The following NPIPB12 variants were observed in gnomAD, a reference collection of about 807,000 sequenced individuals.
The protein encoded by NPIPB12 is nuclear pore complex interacting protein family member B12, also known as nuclear pore complex-interacting protein family member B12.
chr16:29,504,520 G>A (rs1331220814), intron 2 of NPIPB12, among the ~76,000 whole-genome samples: 9 of 76,216 alleles, frequency 1.2e-4, no homozygotes, highest in East Asian at 8.0e-4. Flanking sequence ...ATATATGTGT[G>A]TGTGTGTGTG....
chr16:29,490,176 C>G (rs1478119840), intron 4 of NPIPB12, among the ~76,000 whole-genome samples: 1 of 16,752 alleles, frequency 6.0e-5, no homozygotes, highest in African/African-American at 2.8e-4. Context: ...TAACATGCTA[C>G]TAGGCCTCAA....
chr16:29,492,492 CAA>C (rs1191028089), intron 2 of NPIPB12, among the ~76,000 whole-genome samples: 4,617 of 37,046 alleles, frequency 0.12, 56 homozygotes, highest in African/African-American at 0.22. Context: ...ACTCTTGTCT[CAA>C]AAAAAAAAAA....
intron 2 of NPIPB12, among the ~76,000 whole-genome samples, chr16:29,504,733 AATGTG>A (rs1965220184): frequency 3.1e-5 from 1 of 32,532 alleles, no homozygotes; most frequent in Non-Finnish European, 6.2e-5. Context: ...TTGTAAAATA[AATGTG>A]ATGTGGTTAA....
chr16:29,498,044 T>TATCATTAAAAAAGG (rs1596717565), intron 1 of NPIPB12, among the ~76,000 whole-genome samples: 1 of 132,142 alleles, frequency 7.6e-6, no homozygotes, highest in African/African-American at 2.7e-5. Flanking sequence ...TTCACGCCTG[T>TATCATTAAAAAAGG]AATCCCAACG....
At chr16:29,498,433 C>T (rs1965169643) in intron 1 of NPIPB12, among the ~76,000 whole-genome samples, 1 of 83,100 alleles carries the variant, frequency 1.2e-5, no homozygotes, top group African/African-American at 4.6e-5. Flanking sequence ...TTTGGCCAGG[C>T]GCGGTGGCTC....
chr16:29,504,616 G>A (rs1965217955), intron 2 of NPIPB12, among the ~76,000 whole-genome samples: 1 of 114,940 alleles, frequency 8.7e-6, no homozygotes, highest in Admixed American at 8.9e-5. Context: ...TAAAAGACAA[G>A]ATAATGTTCA....
chr16:29,498,335 T>TAAATAAATAAATAAATAAAA (rs1567292699), intron 1 of NPIPB12, among the ~76,000 whole-genome samples: 1 of 147,786 alleles, frequency 6.8e-6, no homozygotes, highest in Admixed American at 6.8e-5. Context: ...AATAAATAAA[T>TAAATAAATAAATAAATAAAA]AAAATAATGT....
chr16:29,492,492 C>CA lies in NPIPB12; in HGVS notation c.205-619dup, dbSNP rs1191028089. ...GGCAACAAAATTGAAACTCTTGTCT[C>CA]AAAAAAAAAAAAAAAAAAAAAGGCC... is the stretch of plus-strand genomic sequence containing the variant. On this transcript the variant is annotated intron_variant, in intron 2 of 5. Coordinates refer to ENST00000617311, the Ensembl canonical transcript of NPIPB12. Among the ~76,000 whole-genome samples the CA allele has an allele frequency of 4.0e-4, 16 of 40,294 alleles. 1 individual carries two copies. Among genetic ancestry groups the CA allele is most frequent in the Admixed American group, 7.8e-4 (3 of 3,864 alleles). The allele number at this position is 40,294 out of a possible 152,430, so 26.4% of individuals were successfully genotyped here.
chr16:29,504,640 T>C (rs1965218431), intron 2 of NPIPB12, among the ~76,000 whole-genome samples: 1 of 47,430 alleles, frequency 2.1e-5, no homozygotes, highest in African/African-American at 8.0e-5. Flanking sequence ...TAATGACTAA[T>C]TTAATTATTA....
At chr16:29,504,646 TA>T (rs1965218576) in intron 2 of NPIPB12, among the ~76,000 whole-genome samples, 1 of 35,366 alleles carries the variant, frequency 2.8e-5, no homozygotes, top group African/African-American at 1.1e-4. Flanking sequence ...CTAATTTAAT[TA>T]TTACTATTGG....
At chr16:29,492,512 A>G (rs4017000) in intron 2 of NPIPB12, among the ~76,000 whole-genome samples, 2 of 42,740 alleles carry the variant, frequency 4.7e-5, no homozygotes, top group African/African-American at 9.7e-5. Context: ...AAAAAAAAAA[A>G]AGGCCAGATG....
At position 29,498,337 on chromosome 16, in the gene NPIPB12, A is replaced by AAT. The variant is rs1182258947; in HGVS notation, c.75+986_75+987insAT. 9.1e-4 allele frequency among the ~76,000 whole-genome samples: 134 copies of AAT among 147,846 alleles called. No homozygotes were observed. In the Middle Eastern group the frequency reaches 0.014, roughly 16 times the overall value. ...AAATAAATAAATAAATAAATAAATA[A>AAT]AATAATGTAGATCTTGAAAGGGGGT... On this transcript the variant is annotated intron_variant, in intron 1 of 5. Coordinates refer to ENST00000617311, the Ensembl canonical transcript of NPIPB12.
At chr16:29,504,529 T>C (rs1434436068) in intron 2 of NPIPB12, among the ~76,000 whole-genome samples, 1 of 139,938 alleles carries the variant, frequency 7.1e-6, no homozygotes, top group African/African-American at 2.7e-5. Flanking sequence ...TGTGTGTGTG[T>C]GTGTGTGTGT....
chr16:29,501,261 C>CCT (rs1965190371), upstream of NPIPB12, among the ~76,000 whole-genome samples: 1 of 59,716 alleles, frequency 1.7e-5, no homozygotes, highest in Non-Finnish European at 2.8e-5. Flanking sequence ...GGGCGGATCA[C>CCT]AAGGTCAGGA....
intron 2 of NPIPB12, among the ~76,000 whole-genome samples, chr16:29,495,228 G>C (rs1212511591): frequency 7.0e-6 from 1 of 143,102 alleles, no homozygotes; most frequent in East Asian, 2.1e-4. Context: ...GTGATAAATA[G>C]CACAAAGGTT....
chr16:29,494,910 T>TA, intron 2 of NPIPB12, among the ~76,000 whole-genome samples: 1 of 54,998 alleles, frequency 1.8e-5, no homozygotes, highest in East Asian at 6.4e-4. Context: ...TCATTTCCCC[T>TA]AAAAATCATT....
chr16:29,495,147 C>T lies in NPIPB12; in HGVS notation c.204+332G>A, dbSNP rs545555409. On this transcript the variant is annotated intron_variant, in intron 2 of 5. Transcript: ENST00000617311. ...ATTGGAAGCTTTCCTTCCACCCATA[C>T]GATAGAACTACAAAGCAGAAGAGTT... is the stretch of plus-strand genomic sequence containing the variant. Among the ~76,000 whole-genome samples the T allele has an allele frequency of 4.1e-4, 59 of 143,916 alleles. 1 individual carries two copies. The highest frequency in any genetic ancestry group is 6.4e-4 in the African/African-American group (26 of 40,650). 94.4% of individuals were successfully genotyped at this position (143,916 alleles called of 152,430 possible).
intron 4 of NPIPB12, among the ~76,000 whole-genome samples, chr16:29,490,904 TAAA>T (rs1156982100): frequency 3.7e-4 from 21 of 56,680 alleles, no homozygotes; most frequent in Non-Finnish European, 5.4e-4. Context: ...ATCTCAAAAT[TAAA>T]AAAAAAAAAA....
chr16:29,492,181 T>TAC lies in NPIPB12; in HGVS notation c.205-309_205-308dup, dbSNP rs1400371810. ...AGCGACAGAATGAGACTCTGTCACA[T>TAC]ACACACACACACACACAAGAATGAC... On this transcript the variant is annotated intron_variant, in intron 2 of 5. Transcript: ENST00000617311. 3.8e-4 allele frequency among the ~76,000 whole-genome samples: 17 copies of TAC among 44,494 alleles called. 3 individuals are homozygous for TAC. Among genetic ancestry groups the TAC allele is most frequent in the South Asian group, 2.3e-3 (2 of 886 alleles). 29.2% of individuals were successfully genotyped at this position (44,494 alleles called of 152,430 possible).
Sources: gnomAD v4.1 joint callset for allele counts (sites outside exome capture counted in the v4.1 genomes callset) on GRCh38, gnomAD v4.1.1 for gene constraint, MANE v1.5 for transcripts, NCBI Gene and HGNC (gene_info 2026-07-23, HGNC 2026-07-21) for gene names.